The following TEP1 variants were observed in gnomAD, a reference collection of about 807,000 sequenced individuals.
TEP1 encodes telomerase associated protein 1.
Under a neutral mutation model 306.3 loss-of-function variants are expected in TEP1, and 241 were observed. The ratio of observed to expected loss-of-function variants is 0.79; its 90% CI spans 0.71 to 0.88. TEP1 has a LOEUF of 0.88. Ranked by LOEUF, TEP1 falls within the 40% of genes least tolerant of loss-of-function variation. The probability of loss-of-function intolerance (pLI) is 0.00; values close to 1 mark genes in which losing one functional copy is unlikely to be tolerated. For missense variants in TEP1, 3,051 were observed against 3,276.1 expected (o/e 0.93, Z 1.68); for synonymous variants, 1,289 against 1,305.5 (o/e 0.99, Z 0.27).
In TEP1 at chr14:20,369,522, C is replaced by T. The variant is rs1378556997; in HGVS notation, c.7478G>A (p.Cys2493Tyr). Residue 2493 changes from cysteine (C) to tyrosine (Y), a missense_variant, in exon 53 of 55, where the codon TGC (cysteine) becomes TAC (tyrosine). Physicochemically the swap from Cys to Tyr is radical, Grantham distance 194. Coordinates refer to ENST00000262715, the MANE Select transcript of TEP1 (RefSeq NM_007110.5). ...SDGILWNLAK[C>Y]SPEGEWTTGN... ...TGTGGTCCATTCTCCTTCTGGGCTGCATTTGGCCAGGTTCCATAGGATCCC... is the reference window on the plus strand; with the variant it reads ...TGTGGTCCATTCTCCTTCTGGGCTGTATTTGGCCAGGTTCCATAGGATCCC... 1 of 1,613,988 alleles carries T rather than the reference C, an allele frequency of 6.2e-7. No homozygotes were observed. Among genetic ancestry groups the T allele is most frequent in the East Asian group, 2.2e-5 (1 of 44,894 alleles).
At chr14:20,391,946 CCCCCAT>C (rs1396103871) in intron 12 of TEP1, among the ~76,000 whole-genome samples, 179 bp from the exon 13 acceptor site, 4 of 152,146 alleles carry the variant, frequency 2.6e-5, no homozygotes, top group African/African-American at 4.8e-5. Flanking sequence ...CTTCCCTCTG[CCCCCAT>C]CCTATAGGAT....
intron 1 of TEP1, among the ~76,000 whole-genome samples, chr14:20,412,252 C>T (rs893940799): frequency 4.6e-5 from 7 of 152,114 alleles, no homozygotes; most frequent in Non-Finnish European, 7.3e-5. Context: ...AGTGGGGAAA[C>T]TCAGAATTGA....
rs1176863944 is a variant in TEP1 at position 20,408,211 on chromosome 14, A to G, written c.229T>C (p.Leu77=). The G allele has an allele frequency of 1.2e-6, 2 of 1,613,356 alleles. No individual in the cohort carries two copies. The highest frequency in any genetic ancestry group is 1.7e-6 in the Non-Finnish European group (2 of 1,179,514). The change falls in exon 2 of 55, where the codon TTG becomes CTG. Residue 77 remains leucine, a synonymous_variant. Coordinates refer to ENST00000262715, the MANE Select transcript of TEP1 (RefSeq NM_007110.5). ...YVSAHPDILS[L]ENQCLATLSD... ...AGTGTGGCCAGGCACTGGTTCTCCA[A>G]GGAGAGGATGTCTGGGTGGGCAGAC...
chr14:20,382,119 A>G, intron 29 of TEP1, 56 bp from the exon 30 acceptor site: 4 of 1,609,426 alleles, frequency 2.5e-6, no homozygotes, highest in Middle Eastern at 1.7e-4. Flanking sequence ...CCCCGCCCCC[A>G]CCACACCCAG....
In TEP1 at chr14:20,395,497, C is replaced by G. The variant is rs1478076912; in HGVS notation, c.1881G>C (p.Val627=). The part of the protein sequence containing the change: ...QQLRMAMRIP[V]LYEQLKREKL... ...TCTCCCTCTTGAGCTGCTCATACAA[C>G]ACAGGTATCCTCATTGCCATCCGAA... The change falls in exon 12 of 55, where the codon GTG becomes GTC. Residue 627 remains valine, a synonymous_variant. Coordinates refer to ENST00000262715, the MANE Select transcript of TEP1 (RefSeq NM_007110.5). The G allele has an allele frequency of 6.2e-7, 1 of 1,612,910 alleles. No individual in the cohort carries two copies.
chr14:20,384,806 C>T lies in TEP1; in HGVS notation c.3108-93G>A, dbSNP rs1339538671. The T allele has an allele frequency of 4.0e-6, 6 of 1,489,794 alleles. No homozygotes were observed. In the South Asian group the frequency reaches 7.3e-5, roughly 18 times the overall value. The allele number at this position is 1,489,794 out of a possible 1,614,324, so 92.3% of individuals were successfully genotyped here. On this transcript the variant is annotated intron_variant, in intron 21 of 54. Transcript: ENST00000262715. ...CAGACATAGCTGTAATTTCCTGAAGCTCCTCAAGTAGAGAGCTCCTGACTC... is the reference window on the plus strand; with the variant it reads ...CAGACATAGCTGTAATTTCCTGAAGTTCCTCAAGTAGAGAGCTCCTGACTC...
chr14:20,410,020 CAAAAAAAAAAAAAAAAAAA>C (rs570672845), intron 1 of TEP1, among the ~76,000 whole-genome samples: 44 of 58,954 alleles, frequency 7.5e-4, no homozygotes, highest in African/African-American at 1.0e-3. Context: ...GACTCTGTCT[CAAAAAAAAAAAAAAAAAAA>C]AAAAAAAAAA....
rs753973228 is a variant in TEP1 at position 20,400,970 on chromosome 14, C to T, written c.1549+14G>A. ...GAAGAGAAGGAGGGAATGTGATGGT[C>T]AAGGTCACTCTACCAATGAGTTCCT... is the stretch of plus-strand genomic sequence containing the variant. On this transcript the variant is annotated intron_variant, in intron 9 of 54. Transcript: ENST00000262715. The T allele has an allele frequency of 2.5e-6, 4 of 1,612,830 alleles. No homozygotes were observed. Among genetic ancestry groups the T allele is most frequent in the South Asian group, 2.2e-5 (2 of 91,014 alleles).
At position 20,383,872 on chromosome 14, in the gene TEP1, G is replaced by A. The variant is rs1389409451; in HGVS notation, c.3581C>T (p.Ala1194Val). ...AGAAAAGTGGAAGAAGACTAATGAT[G>A]CCACCTTGGCCCCATCAGGAGCCTG... ...ALQAPDGAKV[A>V]SLVFFHFSGA... Residue 1194 changes from alanine (A) to valine (V), a missense_variant, in exon 25 of 55, where the codon GCA (alanine) becomes GTA (valine). By Grantham distance (64) the Ala-to-Val change is moderately conservative. This residue lies in a region of TEP1 where 1,507 missense variants were observed against 1,550.5 expected (regional missense o/e 0.97). Transcript: ENST00000262715. 8 of 1,601,578 alleles carry A rather than the reference G, an allele frequency of 5.0e-6. No individual in the cohort carries two copies. Among genetic ancestry groups the A allele is most frequent in the Non-Finnish European group, 6.8e-6 (8 of 1,178,996 alleles).
chr14:20,371,602 G>A lies in TEP1; in HGVS notation c.7107C>T (p.Asp2369=). 1.3e-6 allele frequency: 2 copies of A among 1,590,126 alleles called. No homozygotes were observed. The highest frequency in any genetic ancestry group is 1.7e-6 in the Non-Finnish European group (2 of 1,174,626). ...SLHLNRILQE[D]LGVLTSLDWA... ...AATCCAGACTTGTCAGCACCCCTAA[G>A]TCCTCCTGTAGAATTCGGTTCAGGT... The change falls in exon 50 of 55, where the codon GAC becomes GAT. Residue 2369 remains aspartate, a synonymous_variant. Coordinates refer to ENST00000262715, the MANE Select transcript of TEP1 (RefSeq NM_007110.5).
At position 20,387,806 on chromosome 14, in the gene TEP1, A is replaced by T. The variant is rs1877328095; in HGVS notation, c.2684+99T>A. 2.1e-6 allele frequency: 3 copies of T among 1,426,444 alleles called. No homozygotes were observed. In the South Asian group the frequency reaches 4.4e-5, roughly 21 times the overall value. 88.4% of individuals were successfully genotyped at this position (1,426,444 alleles called of 1,614,324 possible). On this transcript the variant is annotated intron_variant, in intron 18 of 54. Transcript: ENST00000262715. ...GAGGAAGCATGCCTTCATGAAGAGA[A>T]CAAGCGGCACCTCACCAGCTAGAAT...
chr14:20,386,983 A>G (rs1342905832), intron 18 of TEP1, among the ~76,000 whole-genome samples: 5 of 151,178 alleles, frequency 3.3e-5, no homozygotes, highest in Admixed American at 2.0e-4. Context: ...TGCCCAGGCT[A>G]GAGTAAAATG....
chr14:20,391,808 T>C (rs752041439), intron 12 of TEP1, 41 bp from the exon 13 acceptor site: 4 of 1,602,508 alleles, frequency 2.5e-6, no homozygotes, highest in Non-Finnish European at 1.7e-6. Flanking sequence ...CTCAGGGACT[T>C]ATCTGCCCCT....
Position 20,384,608 on chromosome 14 carries a change from G to A in TEP1, c.3213C>T (p.Thr1071=). The A allele has an allele frequency of 6.2e-7, 1 of 1,614,088 alleles. No individual in the cohort carries two copies. The highest frequency in any genetic ancestry group is 8.5e-7 in the Non-Finnish European group (1 of 1,180,008). The change falls in exon 22 of 55, where the codon ACC becomes ACT. Residue 1071 remains threonine, a synonymous_variant. Coordinates refer to ENST00000262715, the MANE Select transcript of TEP1 (RefSeq NM_007110.5). ...TACCTCCCTCAGCTCACCTGCGGCA[G>A]GTGATCCCTTTCTGTCTGCTTAGGT... is the stretch of plus-strand genomic sequence containing the variant. The part of the protein sequence containing the change: ...KSYLSRQKGI[T]CRRYPCEWGG...
chr14:20,397,686 A>G (rs112093513), intron 9 of TEP1, among the ~76,000 whole-genome samples: 1 of 152,272 alleles, frequency 6.6e-6, no homozygotes, highest in South Asian at 2.1e-4. Context: ...GAATTTCACC[A>G]CTGACCTCTG....
At chr14:20,386,906 T>C (rs1040581715) in intron 18 of TEP1, among the ~76,000 whole-genome samples, 4 of 152,162 alleles carry the variant, frequency 2.6e-5, no homozygotes, top group African/African-American at 9.7e-5. Flanking sequence ...AGCACTATCA[T>C]TATCTCCATT....
chr14:20,400,883 A>G, intron 9 of TEP1, 101 bp downstream of exon 9: 2 of 1,466,206 alleles, frequency 1.4e-6, no homozygotes, highest in Non-Finnish European at 1.9e-6. Flanking sequence ...AGGCAAAGTA[A>G]TAACTTCATC....
chr14:20,369,643 C>A (rs750495252), intron 52 of TEP1, 31 bp downstream of exon 52: 8 of 1,613,026 alleles, frequency 5.0e-6, no homozygotes, highest in Non-Finnish European at 6.8e-6. Context: ...GGCCATCTCC[C>A]GGCTCCTCAG....
At chr14:20,387,140 GA>G (rs1215664401) in intron 18 of TEP1, among the ~76,000 whole-genome samples, 3 of 151,058 alleles carry the variant, frequency 2.0e-5, no homozygotes, top group Admixed American at 1.3e-4. Flanking sequence ...AGTCATGTTG[GA>G]CAGGCTAACC....
Sources: allele counts gnomAD v4.1 joint callset (sites outside exome capture counted in the v4.1 genomes callset), GRCh38; gene constraint gnomAD v4.1.1; regional missense constraint gnomAD v4.1.1; transcripts MANE v1.5; gene names NCBI Gene and HGNC (gene_info 2026-07-23, HGNC 2026-07-21).